XIRP2: variants seen among roughly 807,000 people sequenced by gnomAD.
XIRP2 encodes xin actin binding repeat containing 2, also known as xin actin-binding repeat-containing protein 2.
A neutral mutation model predicts 277.0 loss-of-function variants in XIRP2; 236 were observed. That is an observed-to-expected ratio of 0.85 (90% CI 0.77 to 0.95). The LOEUF is 0.95. Ranked by LOEUF, XIRP2 falls within the 40% of genes least tolerant of loss-of-function variation. The pLI is 0.00. For synonymous variants in XIRP2, 1,490 were observed against 1,416.5 expected (o/e 1.05, Z -1.17); for missense variants, 4,640 against 4,157.5 (o/e 1.12, Z -3.19).
At chr2:166,971,981 T>G (rs1439891760) in intron 2 of XIRP2, among the ~76,000 whole-genome samples, 1 of 152,112 alleles carries the variant, frequency 6.6e-6, no homozygotes, top group Non-Finnish European at 1.5e-5. Flanking sequence ...GACTGAATGT[T>G]TGTGTTCACA....
intron 3 of XIRP2, among the ~76,000 whole-genome samples, chr2:167,209,250 A>G (rs899503954): frequency 6.6e-6 from 1 of 152,244 alleles, no homozygotes; most frequent in Non-Finnish European, 1.5e-5. Flanking sequence ...AGAAGTCTCT[A>G]TGGAAAACCA....
rs1285160271 is a variant in XIRP2, at chr2:167,259,511, C to A, written c.*1694C>A. ...TCGTGTCTATCTCAATGGGATATTT[C>A]TTGTATTACACCTTGTCATTTTTTT... On this transcript the variant is annotated 3_prime_UTR_variant, in exon 11 of 11. Coordinates refer to ENST00000409195, the MANE Select transcript of XIRP2 (RefSeq NM_152381.6). 1 of 729,188 alleles carries A rather than the reference C, an allele frequency of 1.4e-6. No homozygotes were observed. The highest frequency in any genetic ancestry group is 2.9e-5 in the East Asian group (1 of 34,908). The allele number at this position is 729,188 out of a possible 1,614,324, so 45.2% of individuals were successfully genotyped here.
intron 2 of XIRP2, among the ~76,000 whole-genome samples, chr2:166,927,804 G>A (rs147516545): frequency 1.2e-4 from 19 of 152,194 alleles, no homozygotes; most frequent in African/African-American, 4.6e-4. Flanking sequence ...TGTGTGGGGG[G>A]ATGGAGGCTC....
chr2:167,148,307 G>A (rs571091735), intron 3 of XIRP2, among the ~76,000 whole-genome samples: 90 of 151,458 alleles, frequency 5.9e-4, no homozygotes, highest in African/African-American at 2.0e-3. Context: ...GCTTGAACTC[G>A]GGAGGCAGAG....
At position 167,247,429 on chromosome 2, in the gene XIRP2, A is replaced by G. The variant is rs780382740; in HGVS notation, c.6037A>G (p.Arg2013Gly). The G allele has an allele frequency of 6.8e-6, 11 of 1,613,682 alleles. No individual in the cohort carries two copies. Among genetic ancestry groups the G allele is most frequent in the Middle Eastern group, 1.7e-4 (1 of 6,058 alleles). ...TTGCCATGGCAATTTAGTAGAAGAA[A>G]GAACTGAGGTTAATCTTCCAAAAGC... ...KSCHGNLVEE[R>G]TEVNLPKAPK... Residue 2013 changes from arginine (R) to glycine (G), a missense_variant, in exon 9 of 11, where the codon AGA becomes GGA. Physicochemically the swap from Arg to Gly is moderately radical, Grantham distance 125. Transcript: ENST00000409195.
chr2:167,128,666 T>G (rs1297101831), intron 2 of XIRP2, among the ~76,000 whole-genome samples: 1 of 152,158 alleles, frequency 6.6e-6, no homozygotes, highest in Non-Finnish European at 1.5e-5. Context: ...CACCCCCACT[T>G]AATTCACTTG....
At chr2:167,139,958 T>C (rs1012045638) in intron 3 of XIRP2, among the ~76,000 whole-genome samples, 1 of 152,196 alleles carries the variant, frequency 6.6e-6, no homozygotes. Flanking sequence ...ACCGTTTTCA[T>C]AAGAGTTGAT....
At position 167,247,318 on chromosome 2, in the gene XIRP2, C is replaced by G. The variant is rs1356484256; in HGVS notation, c.5926C>G (p.Leu1976Val). ...QVAVQRNKNS[L>V]LQPKPGPFEP... ...TGCTGTCCAGAGGAACAAAAATAGT[C>G]TTCTTCAGCCAAAGCCAGGTCCATT... Residue 1976 changes from leucine (L) to valine (V), a missense_variant, in exon 9 of 11, where the codon CTT (leucine) becomes GTT (valine). Coordinates refer to ENST00000409195, the MANE Select transcript of XIRP2 (RefSeq NM_152381.6). 59 of 1,613,556 alleles carry G rather than the reference C, an allele frequency of 3.7e-5. No individual in the cohort carries two copies. Among genetic ancestry groups the G allele is most frequent in the Non-Finnish European group, 4.9e-5 (58 of 1,179,824 alleles).
chr2:167,259,320 A>G lies in XIRP2; in HGVS notation c.*1503A>G. ...GTGCAGTCAGAACAACTCACGGTGG[A>G]AGAGCAGATTAAAAGAAACAGGTGC... On this transcript the variant is annotated 3_prime_UTR_variant, in exon 11 of 11. Coordinates refer to ENST00000409195, the MANE Select transcript of XIRP2 (RefSeq NM_152381.6). 1 of 1,611,836 alleles carries G rather than the reference A, an allele frequency of 6.2e-7. No individual in the cohort carries two copies. Among genetic ancestry groups the G allele is most frequent in the Non-Finnish European group, 8.5e-7 (1 of 1,179,184 alleles).
intron 2 of XIRP2, among the ~76,000 whole-genome samples, chr2:167,074,354 G>A (rs1318330177): frequency 6.6e-6 from 1 of 151,762 alleles, no homozygotes. Flanking sequence ...TCATTTCTCT[G>A]ACTTTTTAAA....
chr2:167,207,145 T>A (rs1221895826), intron 3 of XIRP2, among the ~76,000 whole-genome samples: 1 of 152,190 alleles, frequency 6.6e-6, no homozygotes, highest in African/African-American at 2.4e-5. Context: ...TAATAGGAAA[T>A]GAGGATAGAT....
At chr2:166,997,683 G>T (rs1355765090) in intron 2 of XIRP2, among the ~76,000 whole-genome samples, 1 of 152,082 alleles carries the variant, frequency 6.6e-6, no homozygotes, top group Non-Finnish European at 1.5e-5. Flanking sequence ...GAGGCAGGTA[G>T]ATCACTAGGT....
At chr2:167,091,497 C>G (rs1482002892) in intron 2 of XIRP2, among the ~76,000 whole-genome samples, 1 of 152,114 alleles carries the variant, frequency 6.6e-6, no homozygotes, top group African/African-American at 2.4e-5. Flanking sequence ...ATTATAGGGA[C>G]TGCCTTTTTC....
chr2:167,014,997 C>T (rs1687781759), intron 2 of XIRP2, among the ~76,000 whole-genome samples: 1 of 151,694 alleles, frequency 6.6e-6, no homozygotes, highest in African/African-American at 2.4e-5. Flanking sequence ...TTTTACACAT[C>T]CACGAGTCTC....
intron 4 of XIRP2, among the ~76,000 whole-genome samples, chr2:167,214,345 C>G (rs1297155470): frequency 6.7e-6 from 1 of 149,130 alleles, no homozygotes; most frequent in Non-Finnish European, 1.5e-5. Context: ...AGCATGATGG[C>G]GGGTGCCAGT....
chr2:167,017,256 T>A (rs72884631), intron 2 of XIRP2, among the ~76,000 whole-genome samples: 1 of 152,130 alleles, frequency 6.6e-6, no homozygotes, highest in Non-Finnish European at 1.5e-5. Context: ...TACAATCTAT[T>A]GTAATTTCCT....
At chr2:167,192,014 T>C (rs1693354886) in intron 3 of XIRP2, among the ~76,000 whole-genome samples, 1 of 152,212 alleles carries the variant, frequency 6.6e-6, no homozygotes. Flanking sequence ...GTTAATTTGA[T>C]AGTTATCAAC....
At chr2:166,920,740 C>A (rs1395535654) in intron 2 of XIRP2, among the ~76,000 whole-genome samples, 1 of 152,134 alleles carries the variant, frequency 6.6e-6, no homozygotes, top group Non-Finnish European at 1.5e-5. Context: ...ACTTTACTGA[C>A]ATTTTCTCTT....
At chr2:166,942,760 A>G (rs1282500459) in intron 2 of XIRP2, among the ~76,000 whole-genome samples, 1 of 152,186 alleles carries the variant, frequency 6.6e-6, no homozygotes, top group African/African-American at 2.4e-5. Flanking sequence ...TAGAAAAGAA[A>G]TATCAGTATG....
Sources: allele counts gnomAD v4.1 joint callset (sites outside exome capture counted in the v4.1 genomes callset), GRCh38; gene constraint gnomAD v4.1.1; transcripts MANE v1.5; gene names NCBI Gene and HGNC (gene_info 2026-07-23, HGNC 2026-07-21).